Variants in SMARCAD1 observed in about 807,000 individuals in gnomAD.
SMARCAD1 encodes SWI/SNF-related matrix-associated actin-dependent regulator of chromatin subfamily A containing DEAD/H box 1.
In SMARCAD1, 25 loss-of-function variants were observed where a neutral mutation model predicts 127.1. The observed-to-expected ratio is 0.20, with a 90% CI of 0.14 to 0.27. SMARCAD1 has a LOEUF of 0.27. Among genes scored for constraint, SMARCAD1 ranks in the 10% least tolerant of loss-of-function variants. SMARCAD1 has a pLI of 1.00. For missense variants in SMARCAD1, 807 were observed against 1,206.0 expected (o/e 0.67, Z 4.90); for synonymous variants, 400 against 396.9 (o/e 1.01, Z -0.09).
chr4:94,250,873 A>G, intron 8 of SMARCAD1, 40 bp downstream of exon 8: 2 of 1,446,496 alleles, frequency 1.4e-6, no homozygotes, highest in Non-Finnish European at 9.7e-7. Context: ...ACTTCTCATT[A>G]TAGTCTGTAT....
At chr4:94,275,110 A>G in intron 14 of SMARCAD1, 145 bp downstream of exon 14, 1 of 694,316 alleles carries the variant, frequency 1.4e-6, no homozygotes, top group Non-Finnish European at 2.5e-6. Flanking sequence ...GGATTCAGGC[A>G]TTTTTTAGTT....
chr4:94,276,741 AT>A (rs2125990204), intron 15 of SMARCAD1, among the ~76,000 whole-genome samples: 2 of 152,260 alleles, frequency 1.3e-5, no homozygotes, highest in South Asian at 4.1e-4. Context: ...CCTGTTCTAT[AT>A]GTTAAACTAT....
At chr4:94,282,607 TA>T (rs1754266895) in intron 21 of SMARCAD1, among the ~76,000 whole-genome samples, 1 of 152,070 alleles carries the variant, frequency 6.6e-6, no homozygotes, top group South Asian at 2.1e-4. Context: ...AATTGTGTAG[TA>T]TGTTTAAATT....
chr4:94,233,792 A>G (rs1746216706), intron 3 of SMARCAD1, among the ~76,000 whole-genome samples, 162 bp from the exon 4 acceptor site: 1 of 152,128 alleles, frequency 6.6e-6, no homozygotes, highest in Non-Finnish European at 1.5e-5. Context: ...ACATAACTAC[A>G]CTGAAATGGA....
chr4:94,248,290 T>C (rs566820867), intron 6 of SMARCAD1, among the ~76,000 whole-genome samples: 2 of 152,352 alleles, frequency 1.3e-5, no homozygotes, highest in South Asian at 2.1e-4. Context: ...CTTAGTGATA[T>C]TCCATTTTAT....
intron 21 of SMARCAD1, among the ~76,000 whole-genome samples, chr4:94,282,445 C>T (rs1245734036): frequency 6.6e-6 from 1 of 151,750 alleles, no homozygotes; most frequent in Non-Finnish European, 1.5e-5. Flanking sequence ...ATGGTTTTCA[C>T]CTTTAAATTT....
At chr4:94,253,785 A>G (rs1423557212) in intron 9 of SMARCAD1, 1 of 721,230 alleles carries the variant, frequency 1.4e-6, no homozygotes, top group Non-Finnish European at 1.7e-6. Flanking sequence ...AATCTTATTC[A>G]TACAGATAAA....
intron 22 of SMARCAD1, among the ~76,000 whole-genome samples, chr4:94,284,592 G>GTT (rs1340725866): frequency 2.4e-5 from 3 of 125,084 alleles, no homozygotes; most frequent in African/African-American, 6.4e-5. Flanking sequence ...TTTTTTTTTC[G>GTT]TTTTTTTTTT....
intron 5 of SMARCAD1, among the ~76,000 whole-genome samples, chr4:94,238,657 G>A (rs765788662): frequency 3.9e-5 from 6 of 152,162 alleles, no homozygotes; most frequent in Non-Finnish European, 7.4e-5. Flanking sequence ...CCTGAAAAAT[G>A]ATACGCTCAG....
At chr4:94,247,846 T>C (rs1259735649) in intron 6 of SMARCAD1, among the ~76,000 whole-genome samples, 5 of 152,210 alleles carry the variant, frequency 3.3e-5, no homozygotes, top group African/African-American at 4.8e-5. Flanking sequence ...TGTTTTTTCT[T>C]TTTTCAACTT....
chr4:94,266,371 A>G (rs1751729163), intron 10 of SMARCAD1, among the ~76,000 whole-genome samples: 1 of 152,170 alleles, frequency 6.6e-6, no homozygotes, highest in Admixed American at 6.5e-5. Context: ...GTAATAAACT[A>G]TCCTTTCCAT....
In SMARCAD1 at chr4:94,278,124, G is replaced by GT. The variant is rs556646307; in HGVS notation, c.2083-297dup. Among the ~76,000 whole-genome samples the GT allele has an allele frequency of 1.1e-4, 16 of 152,260 alleles. No individual in the cohort carries two copies. The South Asian group carries it at 3.3e-3, about 32-fold the overall frequency. Reference sequence around the variant, plus strand: ...ACATTTTTCAATGAGAGTTATCTAGGTAATCGATACATGACTCATCAGTTG... The same window carrying GT: ...ACATTTTTCAATGAGAGTTATCTAGGTTAATCGATACATGACTCATCAGTTG... On this transcript the variant is annotated intron_variant, in intron 16 of 23. Transcript: ENST00000354268.
intron 22 of SMARCAD1, 114 bp downstream of exon 22, chr4:94,283,417 T>C: frequency 1.1e-6 from 1 of 890,840 alleles, no homozygotes; most frequent in Non-Finnish European, 1.8e-6. Flanking sequence ...CGGCAAAGCA[T>C]GGCTACTGAT....
intron 15 of SMARCAD1, 142 bp from the exon 16 acceptor site, chr4:94,276,880 T>C: frequency 3.4e-6 from 3 of 874,676 alleles, no homozygotes; most frequent in Admixed American, 2.5e-5. Flanking sequence ...TTTAAATTAC[T>C]ATATCATTTA....
In SMARCAD1 at chr4:94,273,725, T is replaced by C; in HGVS notation, c.1672+9T>C. On this transcript the variant is annotated intron_variant, in intron 12 of 23. Transcript: ENST00000354268. ...TCCAGCTTCAACTATAGGTTTGTAA[T>C]ACTGGAGACAACTGTATTTAACTTT... The C allele has an allele frequency of 6.3e-7, 1 of 1,593,810 alleles. No homozygotes were observed. Among genetic ancestry groups the C allele is most frequent in the Non-Finnish European group, 8.6e-7 (1 of 1,161,792 alleles).
intron 1 of SMARCAD1, 35 bp from the exon 2 acceptor site, chr4:94,208,311 T>G: frequency 1.4e-6 from 2 of 1,416,750 alleles, no homozygotes; most frequent in Non-Finnish European, 2.0e-6. Flanking sequence ...ATTGTTTTCA[T>G]GGCCTTTTTT....
intron 4 of SMARCAD1, among the ~76,000 whole-genome samples, chr4:94,234,679 T>C (rs1579104325): frequency 6.6e-6 from 1 of 152,220 alleles, no homozygotes; most frequent in Non-Finnish European, 1.5e-5. Context: ...TAGTTTTAGG[T>C]AGAGAATAAA....
intron 16 of SMARCAD1, among the ~76,000 whole-genome samples, chr4:94,278,095 A>G (rs904531713): frequency 6.6e-6 from 1 of 152,182 alleles, no homozygotes; most frequent in South Asian, 2.1e-4. Context: ...ACCCACACTT[A>G]GACACATTTT....
intron 11 of SMARCAD1, among the ~76,000 whole-genome samples, chr4:94,271,071 A>G (rs1178049280): frequency 6.6e-6 from 1 of 152,202 alleles, no homozygotes; most frequent in Non-Finnish European, 1.5e-5. Flanking sequence ...AAAAATACAA[A>G]TTAAAAAATC....
Sources: gnomAD v4.1 joint callset for allele counts (sites outside exome capture counted in the v4.1 genomes callset) on GRCh38, gnomAD v4.1.1 for gene constraint, MANE v1.5 for transcripts, NCBI Gene and HGNC (gene_info 2026-07-23, HGNC 2026-07-21) for gene names.